The following PCDHA13 variants were observed in gnomAD, a reference collection of about 807,000 sequenced individuals.
PCDHA13 encodes protocadherin alpha-13.
A neutral mutation model predicts 64.8 loss-of-function variants in PCDHA13; 54 were observed. The ratio of observed to expected loss-of-function variants is 0.83; its 90% confidence interval spans 0.67 to 1.04. PCDHA13 has a LOEUF of 1.04. Among genes scored for constraint, PCDHA13 ranks in the 50% least tolerant of loss-of-function variants. PCDHA13 has a pLI of 0.00. For missense variants in PCDHA13, 1,248 were observed against 1,254.3 expected (o/e 0.99, Z 0.08); for synonymous variants, 587 against 564.4 (o/e 1.04, Z -0.57).
At position 140,994,426 on chromosome 5, in the gene PCDHA13, G is replaced by A. The variant is rs994056098; in HGVS notation, c.2542+11863G>A. Among the ~76,000 whole-genome samples the A allele has an allele frequency of 3.9e-5, 6 of 152,110 alleles. No homozygotes were observed. In the East Asian group the frequency reaches 1.2e-3, roughly 29 times the overall value. ...CATTTAATACTGGATATTGAGGCCG[G>A]GCGCAGTGGCTCACACCTGTGATCC... On this transcript the variant is annotated intron_variant, in intron 3 of 3. Coordinates refer to ENST00000289272, the MANE Select transcript of PCDHA13 (RefSeq NM_018904.3).
Position 140,882,302 on chromosome 5 carries a change from C to A in PCDHA13, c.34C>A (p.Arg12=). The stretch of plus-strand genomic sequence containing the variant: ...TTCCTGGCAAGGAGGCCCAAGACCG[C>A]GGCAACTACTGCTCTGGCTTCTGAT... ...LSSWQGGPRP[R]QLLLWLLILA... Residue 12 remains arginine, a synonymous_variant, in exon 1 of 4, where the codon CGG becomes AGG. Transcript: ENST00000289272. The A allele has an allele frequency of 6.2e-7, 1 of 1,613,798 alleles. No individual in the cohort carries two copies. Among genetic ancestry groups the A allele is most frequent in the Non-Finnish European group, 8.5e-7 (1 of 1,179,752 alleles).
At chr5:140,945,131 A>C (rs1484443084) in intron 1 of PCDHA13, among the ~76,000 whole-genome samples, 1 of 152,202 alleles carries the variant, frequency 6.6e-6, no homozygotes, top group Non-Finnish European at 1.5e-5. Context: ...CAACTTACAA[A>C]AATCAATAGC....
At chr5:140,989,777 A>G (rs1406464822) in intron 3 of PCDHA13, among the ~76,000 whole-genome samples, 2 of 152,230 alleles carry the variant, frequency 1.3e-5, no homozygotes, top group African/African-American at 4.8e-5. Context: ...AGCACTGGCT[A>G]GAGACTAGAG....
At chr5:140,937,386 G>T (rs1450799946) in intron 1 of PCDHA13, among the ~76,000 whole-genome samples, 2 of 152,092 alleles carry the variant, frequency 1.3e-5, no homozygotes, top group African/African-American at 4.8e-5. Context: ...GTGTGTATGT[G>T]TATATAGGGG....
chr5:140,938,207 A>G (rs782001361), intron 1 of PCDHA13, among the ~76,000 whole-genome samples: 6 of 152,112 alleles, frequency 3.9e-5, no homozygotes, highest in Non-Finnish European at 8.8e-5. Flanking sequence ...CAGCCTCCCA[A>G]AGTGCTGGGA....
intron 3 of PCDHA13, among the ~76,000 whole-genome samples, chr5:141,001,096 A>T (rs919555319): frequency 1.3e-5 from 2 of 152,130 alleles, no homozygotes; most frequent in Admixed American, 1.3e-4. Flanking sequence ...AAACTGTCTA[A>T]TCCATAATAA....
chr5:140,924,901 A>AAAAAAT (rs369245222), intron 1 of PCDHA13, among the ~76,000 whole-genome samples: 13 of 80,502 alleles, frequency 1.6e-4, no homozygotes, highest in East Asian at 1.6e-3. Flanking sequence ...TCTCAAAAAA[A>AAAAAAT]AAAATAAAAT....
Position 140,884,119 on chromosome 5 carries a change from C to T in PCDHA13, c.1851C>T (p.Gly617=), listed in dbSNP as rs782009154. 6.2e-7 allele frequency: 1 copy of T among 1,613,310 alleles called. No individual in the cohort carries two copies. Residue 617 remains glycine (G), a synonymous_variant, in exon 1 of 4, where the codon GGC becomes GGT. Coordinates refer to ENST00000289272, the MANE Select transcript of PCDHA13 (RefSeq NM_018904.3). The stretch of plus-strand genomic sequence containing the variant: ...ATGAATTGCAGCTGGCGGCGGTCGG[C>T]GCGCGCATCCCGTTCCGCGTGGGGC... ...LSYELQLAAV[G]ARIPFRVGLY...
At chr5:140,913,282 AG>A (rs1231451737) in intron 1 of PCDHA13, among the ~76,000 whole-genome samples, 20 of 152,154 alleles carry the variant, frequency 1.3e-4, no homozygotes, top group African/African-American at 4.6e-4. Flanking sequence ...TGGTCTGTTT[AG>A]GTTTTAATTT....
In PCDHA13 at chr5:141,011,141, A is replaced by G. The variant is rs1039778930; in HGVS notation, c.*1204A>G. 3.9e-5 allele frequency: 6 copies of G among 153,668 alleles called. No homozygotes were observed. In the Admixed American group the frequency reaches 3.9e-4, roughly 10 times the overall value. The allele number at this position is 153,668 out of a possible 1,614,324, so 9.5% of individuals were successfully genotyped here. On this transcript the variant is annotated 3_prime_UTR_variant, in exon 4 of 4. Coordinates refer to ENST00000289272, the MANE Select transcript of PCDHA13 (RefSeq NM_018904.3). Reference sequence around the variant, plus strand: ...ACAATTATGTGCACTTTGATACACAACCTTCTCTAACCAACTATATATCAA... The same window carrying G: ...ACAATTATGTGCACTTTGATACACAGCCTTCTCTAACCAACTATATATCAA...
chr5:140,994,249 G>A (rs17119346), intron 3 of PCDHA13, among the ~76,000 whole-genome samples: 45,238 of 152,008 alleles, frequency 0.3, 6,962 homozygotes, highest in East Asian at 0.43. Flanking sequence ...CAAACCCTAG[G>A]TAAATAAGGT....
intron 3 of PCDHA13, among the ~76,000 whole-genome samples, chr5:141,006,275 G>C (rs782763386): frequency 6.6e-6 from 1 of 151,772 alleles, no homozygotes; most frequent in Non-Finnish European, 1.5e-5. Flanking sequence ...GCAGTGGCAC[G>C]ATCTCAGCTC....
At chr5:140,994,433 T>G (rs2097622592) in intron 3 of PCDHA13, among the ~76,000 whole-genome samples, 1 of 152,204 alleles carries the variant, frequency 6.6e-6, no homozygotes, top group African/African-American at 2.4e-5. Flanking sequence ...CCGGGCGCAG[T>G]GGCTCACACC....
intron 3 of PCDHA13, among the ~76,000 whole-genome samples, chr5:140,999,091 T>A (rs1342614556): frequency 2.0e-5 from 3 of 152,208 alleles, no homozygotes; most frequent in African/African-American, 7.2e-5. Flanking sequence ...TTCAGAGGGC[T>A]ATGGAGAGTA....
At chr5:140,967,390 G>C (rs2096135950) in intron 1 of PCDHA13, 1 of 1,609,870 alleles carries the variant, frequency 6.2e-7, no homozygotes, top group African/African-American at 1.3e-5. Context: ...AAGTGCTTGA[G>C]CTGGTGCTGC....
intron 1 of PCDHA13, chr5:140,969,244 G>C: frequency 6.2e-7 from 1 of 1,614,206 alleles, no homozygotes; most frequent in Non-Finnish European, 8.5e-7. Flanking sequence ...AAGCAGCAGT[G>C]ACTGACAGCA....
chr5:140,932,351 A>C (rs1401387848), intron 1 of PCDHA13, among the ~76,000 whole-genome samples: 1 of 151,920 alleles, frequency 6.6e-6, no homozygotes, highest in Non-Finnish European at 1.5e-5. Flanking sequence ...TTACCATACA[A>C]CTGGCCTTAT....
chr5:140,927,705 C>T (rs2084535217), intron 1 of PCDHA13: 1 of 1,614,100 alleles, frequency 6.2e-7, no homozygotes, highest in African/African-American at 1.3e-5. Flanking sequence ...TCCAGTACTC[C>T]CTAAGCAACA....
intron 1 of PCDHA13, among the ~76,000 whole-genome samples, chr5:140,952,415 C>T (rs138050953): frequency 7.9e-4 from 120 of 152,134 alleles, no homozygotes; most frequent in Admixed American, 1.6e-3. Context: ...TTTAATGTTC[C>T]GCAGATTCCT....
Sources: allele counts gnomAD v4.1 joint callset (sites outside exome capture counted in the v4.1 genomes callset), GRCh38; gene constraint gnomAD v4.1.1; transcripts MANE v1.5; gene names NCBI Gene and HGNC (gene_info 2026-07-23, HGNC 2026-07-21).